CSMD2: variants seen among roughly 807,000 people sequenced by gnomAD.
CSMD2 encodes CUB and sushi domain-containing protein 2.
In CSMD2, 130 loss-of-function variants were observed where a neutral mutation model predicts 398.5. The observed-to-expected ratio is 0.33, with a 90% CI of 0.28 to 0.38. The LOEUF is 0.38. Ranked by LOEUF, CSMD2 falls within the 10% of genes least tolerant of loss-of-function variation. The pLI is 1.00. For missense variants in CSMD2, 3,829 were observed against 4,764.9 expected (o/e 0.80, Z 5.78); for synonymous variants, 1,828 against 1,908.5 (o/e 0.96, Z 1.10).
rs750787659 is a variant in CSMD2 at position 33,635,826 on chromosome 1, C to T, written c.4970-496G>A. 6.6e-6 allele frequency among the ~76,000 whole-genome samples: 1 copy of T among 152,050 alleles called. No homozygotes were observed. Among genetic ancestry groups the T allele is most frequent in the Non-Finnish European group, 1.5e-5 (1 of 67,988 alleles). On this transcript the variant is annotated intron_variant, in intron 30 of 70. Transcript: ENST00000373381. The surrounding 1 kb of genome is among the most constrained non-coding windows in gnomAD (Gnocchi z 5.0). ...CAAGGTGCCCAATTTCCACAAGGGG[C>T]GGGTCTGAGCCTGCCTCTCTTACCA...
chr1:33,984,879 GC>G (rs1336915571), intron 3 of CSMD2, among the ~76,000 whole-genome samples: 13 of 151,750 alleles, frequency 8.6e-5, no homozygotes, highest in African/African-American at 2.9e-4. Flanking sequence ...AGGCAGGCAG[GC>G]AGGCAGGAAG....
intron 10 of CSMD2, among the ~76,000 whole-genome samples, chr1:33,799,582 C>G (rs753461821): frequency 1.3e-5 from 2 of 152,208 alleles, no homozygotes; most frequent in African/African-American, 4.8e-5. Flanking sequence ...TCTTGCCAAT[C>G]TCAGAGCTAA....
intron 3 of CSMD2, among the ~76,000 whole-genome samples, chr1:34,006,112 A>G (rs1291296993): frequency 1.3e-5 from 2 of 152,160 alleles, no homozygotes; most frequent in Non-Finnish European, 2.9e-5. Flanking sequence ...CTATCAGTAT[A>G]TACTTGGCCC....
intron 46 of CSMD2, among the ~76,000 whole-genome samples, chr1:33,585,171 C>T (rs748716318): frequency 2.6e-5 from 4 of 152,184 alleles, no homozygotes; most frequent in African/African-American, 7.2e-5. Flanking sequence ...TCACTGCACA[C>T]GGAGAAATCA....
chr1:33,786,181 ACT>A (rs1653513621), intron 12 of CSMD2, among the ~76,000 whole-genome samples: 1 of 152,126 alleles, frequency 6.6e-6, no homozygotes, highest in African/African-American at 2.4e-5. Flanking sequence ...ATCTTTCTGC[ACT>A]CTGTTTGCTG....
At chr1:33,706,371 GC>G (rs375896764) in intron 22 of CSMD2, among the ~76,000 whole-genome samples, 438 of 151,992 alleles carry the variant, frequency 2.9e-3, no homozygotes, top group African/African-American at 0.01. Flanking sequence ...TCCGTTCATT[GC>G]CTCCATTCCA....
At chr1:34,025,272 T>TC (rs398102632) in intron 3 of CSMD2, among the ~76,000 whole-genome samples, 2 of 152,038 alleles carry the variant, frequency 1.3e-5, no homozygotes, top group Non-Finnish European at 2.9e-5. Flanking sequence ...TCTTTTTTTT[T>TC]CCAGAAGTGA....
rs1477145089 is a variant in CSMD2 at position 33,762,551 on chromosome 1, G to A, written c.1846+10018C>T. Among the ~76,000 whole-genome samples, 4 of 152,296 alleles carry A rather than the reference G, an allele frequency of 2.6e-5. No individual in the cohort carries two copies. The South Asian group carries it at 8.3e-4, about 32-fold the overall frequency. ...GGACCAGGACTCTTAGCTGGAATAA[G>A]GCCTTTGAACTGGGCCTTGGATTAA... On this transcript the variant is annotated intron_variant, in intron 13 of 70. Coordinates refer to ENST00000373381, the MANE Select transcript of CSMD2 (RefSeq NM_001281956.2).
intron 2 of CSMD2, among the ~76,000 whole-genome samples, chr1:34,073,085 G>A (rs1460338081): frequency 1.3e-5 from 2 of 152,142 alleles, no homozygotes; most frequent in African/African-American, 2.4e-5. Context: ...CCACTTCCCT[G>A]TCCCAAGAAG....
intron 5 of CSMD2, among the ~76,000 whole-genome samples, chr1:33,890,485 C>T (rs1001640860): frequency 6.6e-5 from 10 of 152,182 alleles, no homozygotes; most frequent in African/African-American, 2.2e-4. Flanking sequence ...CTGCCTTGGC[C>T]TCCCAAAGTG....
chr1:34,011,624 G>C (rs1570802575), intron 3 of CSMD2, among the ~76,000 whole-genome samples: 1 of 151,918 alleles, frequency 6.6e-6, no homozygotes, highest in East Asian at 1.9e-4. Context: ...TATATTCATG[G>C]GGTACATGAG....
intron 1 of CSMD2, among the ~76,000 whole-genome samples, chr1:34,126,375 C>T (rs1262510789): frequency 6.6e-6 from 1 of 152,170 alleles, no homozygotes; most frequent in African/African-American, 2.4e-5. Context: ...AACTAAACTA[C>T]CTCCCTGTAA....
chr1:33,856,586 C>T lies in CSMD2; in HGVS notation c.921-9590G>A, dbSNP rs1639113320. On this transcript the variant is annotated intron_variant, in intron 5 of 70. Coordinates refer to ENST00000373381, the MANE Select transcript of CSMD2 (RefSeq NM_001281956.2). ...AAATGGCTTCTTGAGGAGCTGCCCACATCAGTGTGTGCCTGCCACTTAACT... is the reference window on the plus strand; with the variant it reads ...AAATGGCTTCTTGAGGAGCTGCCCATATCAGTGTGTGCCTGCCACTTAACT... 2.0e-5 allele frequency among the ~76,000 whole-genome samples: 3 copies of T among 152,104 alleles called. 1 individual carries two copies. The highest frequency in any genetic ancestry group is 1.5e-5 in the Non-Finnish European group (1 of 68,008).
chr1:34,078,175 G>T (rs1030440717), intron 2 of CSMD2, among the ~76,000 whole-genome samples: 1 of 151,652 alleles, frequency 6.6e-6, no homozygotes, highest in East Asian at 1.9e-4. Flanking sequence ...AATCCCCCAG[G>T]TGATGCAGGC....
intron 46 of CSMD2, among the ~76,000 whole-genome samples, chr1:33,585,429 C>T (rs994570270): frequency 2.0e-5 from 3 of 152,046 alleles, no homozygotes; most frequent in African/African-American, 7.2e-5. Context: ...TTGCTGTGGC[C>T]CAGAATTTCA....
intron 10 of CSMD2, among the ~76,000 whole-genome samples, chr1:33,794,665 G>A (rs984570473): frequency 6.6e-6 from 1 of 152,234 alleles, no homozygotes; most frequent in Non-Finnish European, 1.5e-5. Flanking sequence ...AGGGTTGGCA[G>A]TAAAGGCATG....
rs1651430484 is a variant in CSMD2, at chr1:33,772,578, C to T, written c.1837G>A (p.Gly613Ser). The T allele has an allele frequency of 2.1e-5, 34 of 1,613,364 alleles. No homozygotes were observed. The highest frequency in any genetic ancestry group is 2.8e-5 in the Non-Finnish European group (33 of 1,179,482). ...CTCCCTGCTCACTTACACACGCAGCCTGGCTTCTTAGCCGACCATTGGTTA... is the reference window on the plus strand; with the variant it reads ...CTCCCTGCTCACTTACACACGCAGCTTGGCTTCTTAGCCGACCATTGGTTA... ...KNNQWSAKKP[G>S]CVFSCFFNFT... Residue 613 changes from glycine (G) to serine (S), a missense_variant, in exon 13 of 71, where the codon GGC (glycine) becomes AGC (serine). Transcript: ENST00000373381.
At chr1:34,085,244 G>T (rs190255421) in intron 2 of CSMD2, among the ~76,000 whole-genome samples, 3 of 152,060 alleles carry the variant, frequency 2.0e-5, no homozygotes, top group Non-Finnish European at 2.9e-5. Flanking sequence ...GTGGGGTTAG[G>T]GGGGAGGGAT....
intron 9 of CSMD2, among the ~76,000 whole-genome samples, chr1:33,819,421 A>G: frequency 6.6e-6 from 1 of 152,224 alleles, no homozygotes; most frequent in East Asian, 1.9e-4. Context: ...TATCCATTCA[A>G]TGAGGTAGCA....
Sources: gnomAD v4.1 joint callset for allele counts (sites outside exome capture counted in the v4.1 genomes callset) on GRCh38, gnomAD v4.1.1 for gene constraint, Gnocchi (gnomAD v3.1) non-coding constraint, MANE v1.5 for transcripts, NCBI Gene and HGNC (gene_info 2026-07-23, HGNC 2026-07-21) for gene names.